The following ADGRV1 variants were observed in gnomAD, a reference collection of about 807,000 sequenced individuals.
ADGRV1 encodes the protein adhesion G protein-coupled receptor V1.
A neutral mutation model predicts 596.2 loss-of-function variants in ADGRV1; 359 were observed. That is an observed-to-expected ratio of 0.60 (90% CI 0.55 to 0.66). The LOEUF (loss-of-function observed/expected upper bound fraction) is 0.66, where lower values mean the gene tolerates loss of function less well. Ranked by LOEUF, ADGRV1 falls within the 30% of genes least tolerant of loss-of-function variation. The pLI is 0.00. For missense variants in ADGRV1, 7,274 were observed against 7,575.6 expected (o/e 0.96, Z 1.48); for synonymous variants, 2,681 against 2,679.2 (o/e 1.00, Z -0.02).
chr5:90,750,518 G>A (rs1437165983), intron 52 of ADGRV1, 33 bp from the exon 53 acceptor site: 1 of 1,558,908 alleles, frequency 6.4e-7, no homozygotes, highest in Non-Finnish European at 8.7e-7. Flanking sequence ...TAATTTCAGG[G>A]AACCCCTTGT....
chr5:91,118,590 A>C (rs2973446), intron 87 of ADGRV1, among the ~76,000 whole-genome samples: 118,934 of 151,932 alleles, frequency 0.78, 46,656 homozygotes, highest in South Asian at 0.83. Context: ...AAGGAATTTA[A>C]CATAAATAAA....
intron 44 of ADGRV1, 42 bp from the exon 45 acceptor site, chr5:90,720,893 G>A (rs770061446): frequency 1.7e-5 from 26 of 1,555,178 alleles, no homozygotes; most frequent in Non-Finnish European, 2.0e-5. Flanking sequence ...TATGTAGAAT[G>A]TATACTTTTT....
intron 83 of ADGRV1, among the ~76,000 whole-genome samples, chr5:90,919,111 T>G (rs1773645017): frequency 6.6e-6 from 1 of 152,200 alleles, no homozygotes; most frequent in Non-Finnish European, 1.5e-5. Flanking sequence ...TCCAAACTTC[T>G]TTTTCTAGTT....
At chr5:91,026,395 G>A (rs948229233) in intron 85 of ADGRV1, among the ~76,000 whole-genome samples, 6 of 151,832 alleles carry the variant, frequency 4.0e-5, no homozygotes, top group Admixed American at 2.0e-4. Context: ...AAAGTCCTGC[G>A]ATTTAATTAT....
In ADGRV1 at chr5:90,724,821, G is replaced by C. The variant is rs1237504148; in HGVS notation, c.9749-11G>C. ...GTAATAAACTAGTAAACCATGATTT[G>C]TGTTTTTCAGGGGGAATGGATGTTG... is the stretch of plus-strand genomic sequence containing the variant. On this transcript the variant is annotated splice_polypyrimidine_tract_variant and intron_variant, in intron 45 of 89. Transcript: ENST00000405460. 1 of 1,611,864 alleles carries C rather than the reference G, an allele frequency of 6.2e-7. No individual in the cohort carries two copies. Among genetic ancestry groups the C allele is most frequent in the Non-Finnish European group, 8.5e-7 (1 of 1,178,528 alleles).
At chr5:90,982,976 G>A (rs556632067) in intron 84 of ADGRV1, among the ~76,000 whole-genome samples, 5 of 152,190 alleles carry the variant, frequency 3.3e-5, no homozygotes, top group African/African-American at 7.2e-5. Context: ...CAAATCTTAC[G>A]TTTGGCCTAT....
At chr5:91,000,047 G>A (rs1430659143) in intron 85 of ADGRV1, among the ~76,000 whole-genome samples, 2 of 151,820 alleles carry the variant, frequency 1.3e-5, no homozygotes, top group Admixed American at 6.6e-5. Flanking sequence ...TAGAAATTAT[G>A]GAAAGCAAAA....
At position 90,585,236 on chromosome 5, in the gene ADGRV1, T is replaced by A. The variant is rs184955227; in HGVS notation, c.22+26319T>A. On this transcript the variant is annotated intron_variant, in intron 1 of 89. Coordinates refer to ENST00000405460, the MANE Select transcript of ADGRV1 (RefSeq NM_032119.4). ...TCACTTACATTGAGTGTATAAAAAA[T>A]TCAAGGGTAAAATCTGAGAGAGAAT... Among the ~76,000 whole-genome samples the A allele has an allele frequency of 1.1e-3, 167 of 152,258 alleles. 1 individual carries two copies. The highest frequency in any genetic ancestry group is 1.6e-3 in the Non-Finnish European group (111 of 68,024).
chr5:90,609,006 A>G (rs1762429400), intron 1 of ADGRV1, among the ~76,000 whole-genome samples: 1 of 152,168 alleles, frequency 6.6e-6, no homozygotes, highest in Non-Finnish European at 1.5e-5. Flanking sequence ...TGTATCTGAG[A>G]CAATAAACAT....
chr5:90,803,446 A>G (rs1014575862), intron 71 of ADGRV1, among the ~76,000 whole-genome samples: 1 of 152,160 alleles, frequency 6.6e-6, no homozygotes, highest in Non-Finnish European at 1.5e-5. Context: ...CAAGGCTGTT[A>G]TCTGTGGCTA....
In ADGRV1 at chr5:90,653,834, A is replaced by G. The variant is rs61740119; in HGVS notation, c.4260A>G (p.Glu1420=). ...IAKTTVMKYL[E]ESVWLHLLII... is the part of the protein sequence containing the mutation. ...AGACAACAGTCATGAAATATTTAGA[A>G]GAAAGTGTTTGGCTTCATCTACTAA... is the stretch of plus-strand genomic sequence containing the variant. Residue 1420 remains glutamate, a synonymous_variant, in exon 20 of 90, where the codon GAA becomes GAG. Transcript: ENST00000405460. The G allele has an allele frequency of 4.2e-3, 6,779 of 1,612,894 alleles. 49 individuals are homozygous for G. The highest frequency in any genetic ancestry group is 0.029 in the Middle Eastern group (177 of 6,062).
At chr5:91,034,111 A>C (rs1476274927) in intron 85 of ADGRV1, among the ~76,000 whole-genome samples, 1 of 152,192 alleles carries the variant, frequency 6.6e-6, no homozygotes, top group Non-Finnish European at 1.5e-5. Context: ...TAAAAAATTT[A>C]AAGTTTGTAT....
At chr5:90,595,748 G>A (rs1446972449) in intron 1 of ADGRV1, among the ~76,000 whole-genome samples, 6 of 132,316 alleles carry the variant, frequency 4.5e-5, no homozygotes, top group Middle Eastern at 4.6e-3. Context: ...GGGCAGAGGC[G>A]CCCCTCACCT....
rs750343054 is a variant in ADGRV1, at chr5:90,757,172, C to A, written c.11940+11C>A. ...TTTGCAGATAAACAGGTATGCCAGT[C>A]ATTAACATATTAGCCTTTTTGAGTT... On this transcript the variant is annotated intron_variant, in intron 57 of 89. Transcript: ENST00000405460. 19 of 1,611,416 alleles carry A rather than the reference C, an allele frequency of 1.2e-5. No homozygotes were observed. Among genetic ancestry groups the A allele is most frequent in the Non-Finnish European group, 1.3e-5 (15 of 1,177,756 alleles).
intron 86 of ADGRV1, among the ~76,000 whole-genome samples, chr5:91,083,048 G>T (rs1034715532): frequency 1.4e-4 from 22 of 152,180 alleles, no homozygotes; most frequent in Middle Eastern, 3.2e-3. Context: ...GAAACAGGAA[G>T]TAGGGAAAGG....
chr5:90,918,139 T>G (rs1273542600), intron 83 of ADGRV1, among the ~76,000 whole-genome samples: 1 of 152,042 alleles, frequency 6.6e-6, no homozygotes, highest in East Asian at 1.9e-4. Context: ...CTTTCACAGT[T>G]CAGATCAGTT....
At chr5:90,840,450 A>G (rs1338043835) in intron 77 of ADGRV1, 128 bp from the exon 78 acceptor site, 13 of 659,592 alleles carry the variant, frequency 2.0e-5, no homozygotes, top group African/African-American at 3.6e-5. Context: ...ATCTTTAGGT[A>G]GTACTGTCAT....
At chr5:90,834,305 G>A (rs192882360) in intron 77 of ADGRV1, among the ~76,000 whole-genome samples, 6 of 152,184 alleles carry the variant, frequency 3.9e-5, no homozygotes, top group East Asian at 1.9e-4. Context: ...AAGAACTTCC[G>A]TTAGCATTTC....
chr5:90,787,719 T>C (rs1446091777), intron 67 of ADGRV1, among the ~76,000 whole-genome samples: 2 of 151,350 alleles, frequency 1.3e-5, no homozygotes, highest in Non-Finnish European at 2.9e-5. Flanking sequence ...CAGCTCCGAG[T>C]AGCTGGAATT....
Sources: gnomAD v4.1 joint callset for allele counts (sites outside exome capture counted in the v4.1 genomes callset) on GRCh38, gnomAD v4.1.1 for gene constraint, MANE v1.5 for transcripts, NCBI Gene and HGNC (gene_info 2026-07-23, HGNC 2026-07-21) for gene names.